The following GSTCD variants were observed in gnomAD, a reference collection of about 807,000 sequenced individuals.
GSTCD encodes the protein glutathione S-transferase C-terminal domain-containing protein.
A neutral mutation model predicts 68.3 loss-of-function variants in GSTCD; 44 were observed. The ratio of observed to expected loss-of-function variants is 0.64; its 90% CI spans 0.51 to 0.83. The LOEUF is 0.83. GSTCD is among the 40% of genes least tolerant of loss of function. The pLI, the probability that GSTCD is intolerant of heterozygous loss-of-function variation, is 0.00. For synonymous variants in GSTCD, 273 were observed against 255.2 expected (o/e 1.07, Z -0.67); for missense variants, 739 against 735.9 (o/e 1.00, Z -0.05).
chr4:105,797,660 A>G (rs1427057094), intron 5 of GSTCD, among the ~76,000 whole-genome samples: 1 of 152,094 alleles, frequency 6.6e-6, no homozygotes, highest in East Asian at 1.9e-4. Flanking sequence ...TGTTAAAATA[A>G]GACAACAATG....
chr4:105,797,760 C>CTTTTTTTTTTTTTTT (rs70941218), intron 5 of GSTCD, among the ~76,000 whole-genome samples: 12 of 84,952 alleles, frequency 1.4e-4, no homozygotes, highest in African/African-American at 5.2e-4. Context: ...CACAATAGAA[C>CTTTTTTTTTTTTTTT]TTTTTTTTTT....
intron 5 of GSTCD, among the ~76,000 whole-genome samples, chr4:105,804,393 T>C (rs1736251122): frequency 6.6e-6 from 1 of 152,080 alleles, no homozygotes; most frequent in African/African-American, 2.4e-5. Context: ...GTGCTTTGGG[T>C]TAGTGAAGAG....
intron 5 of GSTCD, among the ~76,000 whole-genome samples, chr4:105,778,104 A>G (rs966514365): frequency 1.1e-4 from 16 of 152,130 alleles, no homozygotes; most frequent in Non-Finnish European, 1.6e-4. Context: ...TTTGACAGAA[A>G]TGAACAACAA....
chr4:105,811,543 A>AG (rs1722752282), intron 5 of GSTCD, among the ~76,000 whole-genome samples: 2 of 45,372 alleles, frequency 4.4e-5, no homozygotes, highest in African/African-American at 9.5e-5. Flanking sequence ...GGGTGGGGGG[A>AG]GGGGGGAGGG....
chr4:105,797,210 C>G (rs1384877632), intron 5 of GSTCD, among the ~76,000 whole-genome samples: 1 of 151,920 alleles, frequency 6.6e-6, no homozygotes, highest in African/African-American at 2.4e-5. Flanking sequence ...ACTACCTCAA[C>G]TTTTTTCTTG....
intron 5 of GSTCD, among the ~76,000 whole-genome samples, chr4:105,780,152 T>C (rs553917673): frequency 6.6e-6 from 1 of 152,228 alleles, no homozygotes; most frequent in Non-Finnish European, 1.5e-5. Flanking sequence ...TTTCTCATGA[T>C]GGACAGACCC....
intron 4 of GSTCD, among the ~76,000 whole-genome samples, chr4:105,728,141 G>A (rs1275162063): frequency 6.6e-6 from 1 of 152,086 alleles, no homozygotes; most frequent in African/African-American, 2.4e-5. Flanking sequence ...ACACTGCCAA[G>A]GGACCTCTGG....
chr4:105,740,112 A>T (rs1733585082), intron 5 of GSTCD, among the ~76,000 whole-genome samples: 1 of 152,036 alleles, frequency 6.6e-6, no homozygotes, highest in Non-Finnish European at 1.5e-5. Context: ...ACACTCCAAC[A>T]TTAGTTCCAG....
At chr4:105,823,308 T>G (rs1723406846) in intron 7 of GSTCD, 33 bp downstream of exon 7, 1 of 1,606,980 alleles carries the variant, frequency 6.2e-7, no homozygotes, top group African/African-American at 1.3e-5. Context: ...AAGGAAATAT[T>G]TTAAAATTAT....
At chr4:105,748,684 A>G (rs1380003977) in intron 5 of GSTCD, among the ~76,000 whole-genome samples, 1 of 152,090 alleles carries the variant, frequency 6.6e-6, no homozygotes, top group African/African-American at 2.4e-5. Context: ...GTGCCAAAAT[A>G]TTAGTGTATA....
At chr4:105,733,102 T>G (rs1025514477) in intron 5 of GSTCD, among the ~76,000 whole-genome samples, 1 of 152,230 alleles carries the variant, frequency 6.6e-6, no homozygotes, top group African/African-American at 2.4e-5. Context: ...AGTGCTTTAC[T>G]TCCAACTATG....
intron 5 of GSTCD, among the ~76,000 whole-genome samples, chr4:105,799,810 G>A (rs543054675): frequency 4.1e-4 from 52 of 127,986 alleles, no homozygotes; most frequent in African/African-American, 1.5e-3. Context: ...TTAACACAGC[G>A]TTGCAAAAAA....
chr4:105,747,689 A>G lies in GSTCD; in HGVS notation c.1240+18190A>G, dbSNP rs76406214. On this transcript the variant is annotated intron_variant, in intron 5 of 11. Transcript: ENST00000515279. ...AGAATGTCTATTTTAGACCAGTTAT[A>G]CTGACAAATATAAGTGGAAGTGAAA... is the stretch of plus-strand genomic sequence containing the variant. 3.8e-3 allele frequency among the ~76,000 whole-genome samples: 581 copies of G among 152,320 alleles called. 6 individuals are homozygous for G. Among genetic ancestry groups the G allele is most frequent in the African/African-American group, 0.013 (547 of 41,574 alleles).
chr4:105,709,984 T>C (rs1196410387), intron 1 of GSTCD, among the ~76,000 whole-genome samples: 2 of 152,040 alleles, frequency 1.3e-5, no homozygotes, highest in East Asian at 3.9e-4. Flanking sequence ...TCTTTTTTTT[T>C]AACTGCCTGA....
chr4:105,834,427 G>A (rs1403456229), intron 8 of GSTCD, 34 bp from the exon 9 acceptor site: 2 of 1,604,046 alleles, frequency 1.2e-6, no homozygotes, highest in Non-Finnish European at 8.5e-7. Flanking sequence ...AGTTAAGAGG[G>A]AACTTAGTGC....
Position 105,823,039 on chromosome 4 carries a change from T to G in GSTCD, c.1326T>G (p.Gly442=). The stretch of plus-strand genomic sequence containing the variant: ...TGGTAACAAATCAGGCCAAACCTGG[T>G]GACAGAATTGTGGATTTCTGCAGCG... ...VYVVTNQAKP[G]DRIVDFCSGG... Residue 442 remains glycine, a synonymous_variant, in exon 6 of 12, where the codon GGT becomes GGG. Transcript: ENST00000515279. The G allele has an allele frequency of 6.2e-7, 1 of 1,613,838 alleles. No individual in the cohort carries two copies. The highest frequency in any genetic ancestry group is 8.5e-7 in the Non-Finnish European group (1 of 1,179,756).
At chr4:105,771,447 T>A (rs552893631) in intron 5 of GSTCD, among the ~76,000 whole-genome samples, 4 of 152,222 alleles carry the variant, frequency 2.6e-5, no homozygotes, top group African/African-American at 9.6e-5. Flanking sequence ...CTTTGCCCAT[T>A]CCTATGTCCT....
chr4:105,719,128 T>C lies in GSTCD; in HGVS notation c.495T>C (p.Ser165=). ...PLAIENFLRE[S]SDQPPTIPVE... is the part of the protein sequence containing the mutation. ...CTATTGAGAATTTTCTCAGAGAATCTTCTGACCAGCCCCCAACTATACCTG... is the reference window on the plus strand; with the variant it reads ...CTATTGAGAATTTTCTCAGAGAATCCTCTGACCAGCCCCCAACTATACCTG... Residue 165 remains serine (S), a synonymous_variant, in exon 3 of 12, where the codon TCT becomes TCC. Transcript: ENST00000515279. 6.2e-7 allele frequency: 1 copy of C among 1,614,142 alleles called. No individual in the cohort carries two copies. Among genetic ancestry groups the C allele is most frequent in the Non-Finnish European group, 8.5e-7 (1 of 1,180,000 alleles).
intron 5 of GSTCD, among the ~76,000 whole-genome samples, chr4:105,771,306 C>T (rs541209016): frequency 3.7e-4 from 56 of 151,878 alleles, no homozygotes; most frequent in Non-Finnish European, 7.2e-4. Context: ...AAATTTTCTC[C>T]CATTCTGTAG....
Sources: allele counts gnomAD v4.1 joint callset (sites outside exome capture counted in the v4.1 genomes callset), GRCh38; gene constraint gnomAD v4.1.1; transcripts MANE v1.5; gene names NCBI Gene and HGNC (gene_info 2026-07-23, HGNC 2026-07-21).